The following FIP1L1 variants were observed in gnomAD, a reference collection of about 807,000 sequenced individuals.
FIP1L1 encodes the protein factor interacting with PAPOLA and CPSF1, also known as pre-mRNA 3'-end-processing factor FIP1.
FIP1L1 carries 21 observed loss-of-function variants against 84.6 expected under a neutral mutation model. The ratio of observed to expected loss-of-function variants is 0.25; its 90% CI spans 0.18 to 0.36. The LOEUF (loss-of-function observed/expected upper bound fraction) is 0.36, where lower values mean the gene tolerates loss of function less well. Among genes scored for constraint, FIP1L1 ranks in the 10% least tolerant of loss-of-function variants. The probability of loss-of-function intolerance (pLI) is 1.00; values close to 1 mark genes in which losing one functional copy is unlikely to be tolerated. For synonymous variants in FIP1L1, 263 were observed against 242.3 expected (o/e 1.09, Z -0.80); for missense variants, 526 against 751.1 (o/e 0.70, Z 3.50).
At chr4:53,438,537 G>A (rs1258660904) in intron 13 of FIP1L1, among the ~76,000 whole-genome samples, 1 of 152,114 alleles carries the variant, frequency 6.6e-6, no homozygotes, top group African/African-American at 2.4e-5. Flanking sequence ...TGAAATGGAG[G>A]TCTCACAAGA....
chr4:53,383,636 G>T lies in FIP1L1; in HGVS notation c.229-137G>T, dbSNP rs578126526. The T allele has an allele frequency of 7.6e-6, 6 of 786,106 alleles. 1 individual carries two copies. Among genetic ancestry groups the T allele is most frequent in the South Asian group, 3.8e-5 (2 of 52,266 alleles). The allele number at this position is 786,106 out of a possible 1,614,324, so 48.7% of individuals were successfully genotyped here. A position where few individuals can be genotyped will look rare whatever the true frequency, so the allele number is the denominator to read the frequency against. ...GAGATCATGCCACTGCACTCAAGCC[G>T]GGGCGACAAAGTGAGAGTCTGTCTC... On this transcript the variant is annotated intron_variant, in intron 4 of 17. Coordinates refer to ENST00000337488, the MANE Select transcript of FIP1L1 (RefSeq NM_030917.4).
chr4:53,422,720 A>AT (rs1335151251), intron 11 of FIP1L1, among the ~76,000 whole-genome samples: 109 of 150,826 alleles, frequency 7.2e-4, no homozygotes, highest in Non-Finnish European at 1.2e-3. Flanking sequence ...GTATATATAT[A>AT]TATTTTTTTT....
At chr4:53,423,935 CAG>C (rs1763372445) in intron 11 of FIP1L1, among the ~76,000 whole-genome samples, 1 of 152,110 alleles carries the variant, frequency 6.6e-6, no homozygotes, top group Non-Finnish European at 1.5e-5. Context: ...TAGAGATCCT[CAG>C]AAATAAATGG....
chr4:53,419,635 C>T (rs946384164), intron 11 of FIP1L1, among the ~76,000 whole-genome samples: 20 of 151,988 alleles, frequency 1.3e-4, no homozygotes, highest in Non-Finnish European at 2.9e-4. Context: ...GATGAGGTCT[C>T]ACTATGTTGC....
intron 13 of FIP1L1, among the ~76,000 whole-genome samples, chr4:53,430,257 G>A (rs538658336): frequency 6.3e-4 from 96 of 151,580 alleles, no homozygotes; most frequent in African/African-American, 2.2e-3. Context: ...TCGAAACTCC[G>A]TAGAATATTG....
Position 53,414,816 on chromosome 4 carries a change from A to G in FIP1L1, c.923+94A>G, listed in dbSNP as rs543250379. 7.4e-6 allele frequency: 6 copies of G among 814,190 alleles called. No individual in the cohort carries two copies. In the African/African-American group the frequency reaches 1.0e-4, roughly 14 times the overall value. The allele number at this position is 814,190 out of a possible 1,614,324, so 50.4% of individuals were successfully genotyped here. ...TAAGATAATAAATTTTGACTGTACC[A>G]TATTTTTACCCTCCAACTTATGCTT... On this transcript the variant is annotated intron_variant, in intron 11 of 17. Transcript: ENST00000337488.
chr4:53,414,665 A>G lies in FIP1L1; in HGVS notation c.866A>G (p.Asn289Ser). 2 of 1,613,564 alleles carry G rather than the reference A, an allele frequency of 1.2e-6. No homozygotes were observed. The highest frequency in any genetic ancestry group is 1.1e-5 in the South Asian group (1 of 91,020). ...ACAAGTACTGCCTCCAGAAAAGCCA[A>G]TTCAAGCGTTGGGAAGTGGCAGGAT... ...SQTSTASRKA[N>S]SSVGKWQDRY... Residue 289 changes from asparagine (N) to serine (S), a missense_variant, in exon 11 of 18, where the codon AAT (asparagine) becomes AGT (serine). By Grantham distance (46) the Asn-to-Ser change is conservative. Coordinates refer to ENST00000337488, the MANE Select transcript of FIP1L1 (RefSeq NM_030917.4).
In FIP1L1 at chr4:53,460,618, G is replaced by T; in HGVS notation, c.*1169G>T. ...TTTAAATCAGCTTGAATTCAGTGGG[G>T]TATACAAATCATTTTAGTTGTTTTA... On this transcript the variant is annotated 3_prime_UTR_variant, in exon 18 of 18. Coordinates refer to ENST00000337488, the MANE Select transcript of FIP1L1 (RefSeq NM_030917.4). 3.3e-6 allele frequency: 1 copy of T among 304,640 alleles called. No homozygotes were observed. The highest frequency in any genetic ancestry group is 5.8e-6 in the Non-Finnish European group (1 of 171,726). The allele number at this position is 304,640 out of a possible 1,614,324, so 18.9% of individuals were successfully genotyped here. A position where few individuals can be genotyped will look rare whatever the true frequency, so the allele number is the denominator to read the frequency against.
In FIP1L1 at chr4:53,417,738, AACAC is replaced by A. The variant is rs371194870; in HGVS notation, c.923+3039_923+3042del. 4.9e-3 allele frequency among the ~76,000 whole-genome samples: 347 copies of A among 70,242 alleles called. 7 individuals carry two copies. The highest frequency in any genetic ancestry group is 0.013 in the South Asian group (18 of 1,388). 46.1% of individuals were successfully genotyped at this position (70,242 alleles called of 152,430 possible). A position where few individuals can be genotyped will look rare whatever the true frequency, so the allele number is the denominator to read the frequency against. On this transcript the variant is annotated intron_variant, in intron 11 of 17. Transcript: ENST00000337488. ...CTCTTTGCTACTTTTTCTCTTTTTAAACACACACACACACACACACACACACTCT... is the reference window on the plus strand; with the variant it reads ...CTCTTTGCTACTTTTTCTCTTTTTAAACACACACACACACACACACACTCT...
chr4:53,380,994 A>C (rs1453280219), intron 3 of FIP1L1, among the ~76,000 whole-genome samples: 1 of 152,176 alleles, frequency 6.6e-6, no homozygotes, highest in Non-Finnish European at 1.5e-5. Context: ...AACTTGCTAA[A>C]ATTTATTGGA....
At chr4:53,384,561 A>G (rs983417243) in intron 5 of FIP1L1, among the ~76,000 whole-genome samples, 1 of 152,236 alleles carries the variant, frequency 6.6e-6, no homozygotes, top group Non-Finnish European at 1.5e-5. Context: ...AACAATATCA[A>G]AAGTATTTCT....
intron 15 of FIP1L1, among the ~76,000 whole-genome samples, chr4:53,446,799 C>A (rs1774372163): frequency 6.6e-6 from 1 of 152,088 alleles, no homozygotes. Context: ...CATTCAGTTT[C>A]ATTACAGAAT....
At chr4:53,403,761 C>T (rs371970073) in intron 10 of FIP1L1, among the ~76,000 whole-genome samples, 5 of 152,112 alleles carry the variant, frequency 3.3e-5, no homozygotes, top group Admixed American at 1.3e-4. Context: ...GTATTGGGCT[C>T]GTTCTGTTGC....
At chr4:53,423,150 T>C (rs1334556688) in intron 11 of FIP1L1, among the ~76,000 whole-genome samples, 1 of 152,268 alleles carries the variant, frequency 6.6e-6, no homozygotes, top group African/African-American at 2.4e-5. Context: ...TTAATTCCAT[T>C]GTAACTTCAG....
At chr4:53,396,953 A>C (rs1747725007) in intron 9 of FIP1L1, among the ~76,000 whole-genome samples, 1 of 152,198 alleles carries the variant, frequency 6.6e-6, no homozygotes, top group Admixed American at 6.5e-5. Flanking sequence ...ACACAGACTT[A>C]ATACTTTTGG....
At chr4:53,389,545 C>T (rs1578187115) in intron 5 of FIP1L1, among the ~76,000 whole-genome samples, 1 of 151,960 alleles carries the variant, frequency 6.6e-6, no homozygotes, top group Admixed American at 6.6e-5. Flanking sequence ...TAGCTGGGCA[C>T]GGTGGCTCAC....
rs531949876 is a variant in FIP1L1, at chr4:53,381,308, C to T, written c.171-970C>T. On this transcript the variant is annotated intron_variant, in intron 3 of 17. Transcript: ENST00000337488. ...CAAAGTTCCTGCTATTAGAATTTGC[C>T]CGTTTCCTACTGACTGGCTCATTGC... is the stretch of plus-strand genomic sequence containing the variant. Among the ~76,000 whole-genome samples, 3 of 152,270 alleles carry T rather than the reference C, an allele frequency of 2.0e-5. No individual in the cohort carries two copies. In the South Asian group the frequency reaches 6.2e-4, roughly 32 times the overall value.
At chr4:53,405,942 C>A (rs1171388360) in intron 10 of FIP1L1, among the ~76,000 whole-genome samples, 1 of 151,868 alleles carries the variant, frequency 6.6e-6, no homozygotes, top group Admixed American at 6.5e-5. Context: ...TATACAATCA[C>A]GTCATCTGCA....
chr4:53,448,951 T>C (rs1172615845), intron 15 of FIP1L1, among the ~76,000 whole-genome samples: 1 of 152,160 alleles, frequency 6.6e-6, no homozygotes, highest in Non-Finnish European at 1.5e-5. Flanking sequence ...TATTTGCTTG[T>C]ATTCAGAAAT....
Sources: gnomAD v4.1 joint callset for allele counts (sites outside exome capture counted in the v4.1 genomes callset) on GRCh38, gnomAD v4.1.1 for gene constraint, MANE v1.5 for transcripts, NCBI Gene and HGNC (gene_info 2026-07-23, HGNC 2026-07-21) for gene names.